KCNS3: variants seen among roughly 807,000 people sequenced by gnomAD.
KCNS3 encodes the protein delayed-rectifier potassium channel regulatory subunit KCNS3.
Under a neutral mutation model 31.0 loss-of-function variants are expected in KCNS3, and 13 were observed. That is an observed-to-expected ratio of 0.42 (90% CI 0.27 to 0.67). The LOEUF (loss-of-function observed/expected upper bound fraction) is 0.67. KCNS3 is among the 30% of genes least tolerant of loss of function. The pLI, the probability that KCNS3 is intolerant of heterozygous loss-of-function variation, is 0.25. For synonymous variants in KCNS3, 238 were observed against 241.5 expected (o/e 0.99, Z 0.13); for missense variants, 545 against 622.4 (o/e 0.88, Z 1.32).
chr2:17,901,766 A>G (rs746672582), intron 1 of KCNS3, among the ~76,000 whole-genome samples: 8 of 152,158 alleles, frequency 5.3e-5, no homozygotes, highest in Non-Finnish European at 1.2e-4. Context: ...TGATGATATT[A>G]AAACAGGAAG....
chr2:17,932,104 A>G lies in KCNS3; in HGVS notation c.1096A>G (p.Ile366Val). The change falls in exon 3 of 3, where the codon ATC becomes GTC. Residue 366 changes from isoleucine (I) to valine (V), a missense_variant. Physicochemically the swap from Ile to Val is conservative, Grantham distance 29. Coordinates refer to ENST00000304101, the MANE Select transcript of KCNS3 (RefSeq NM_002252.5). ...CCCCATCTGCTGGTGGTGGGCCACCATCAGCATGACAACTGTGGGCTATGG... is the reference window on the plus strand; with the variant it reads ...CCCCATCTGCTGGTGGTGGGCCACCGTCAGCATGACAACTGTGGGCTATGG... ...SIPICWWWAT[I>V]SMTTVGYGDT... is the part of the protein sequence containing the mutation. 1 of 1,613,966 alleles carries G rather than the reference A, an allele frequency of 6.2e-7. No homozygotes were observed. Among genetic ancestry groups the G allele is most frequent in the Non-Finnish European group, 8.5e-7 (1 of 1,179,996 alleles).
chr2:17,884,268 A>AAAAAAATATAT (rs1459540269), intron 1 of KCNS3, among the ~76,000 whole-genome samples: 5 of 46,696 alleles, frequency 1.1e-4, no homozygotes, highest in African/African-American at 3.1e-4. Flanking sequence ...AAAAAAAAAA[A>AAAAAAATATAT]ATATATATAT....
chr2:17,883,824 C>T (rs1411825829), intron 1 of KCNS3, among the ~76,000 whole-genome samples: 5 of 151,952 alleles, frequency 3.3e-5, no homozygotes, highest in Admixed American at 1.3e-4. Context: ...TATTGCGGCA[C>T]TATTCACAAT....
At chr2:17,908,941 C>G (rs1662404813) in intron 1 of KCNS3, among the ~76,000 whole-genome samples, 2 of 152,342 alleles carry the variant, frequency 1.3e-5, no homozygotes, top group African/African-American at 2.4e-5. Flanking sequence ...TGTCCATTCT[C>G]AGATCTCAAA....
At chr2:17,908,890 T>C (rs982054078) in intron 1 of KCNS3, among the ~76,000 whole-genome samples, 3 of 152,220 alleles carry the variant, frequency 2.0e-5, no homozygotes, top group Non-Finnish European at 4.4e-5. Flanking sequence ...GCCTCCCAGA[T>C]AGGCTGCTCG....
In KCNS3 at chr2:17,931,140, G is replaced by A. The variant is rs780885311; in HGVS notation, c.132G>A (p.Leu44=). 6.2e-7 allele frequency: 1 copy of A among 1,614,170 alleles called. No homozygotes were observed. Among genetic ancestry groups the A allele is most frequent in the Non-Finnish European group, 8.5e-7 (1 of 1,180,022 alleles). Residue 44 remains leucine, a synonymous_variant, in exon 3 of 3, where the codon CTG becomes CTA. Transcript: ENST00000304101. The surrounding 1 kb of genome is among the most constrained non-coding windows in gnomAD (Gnocchi z 5.4). ...LRFPHTRLGK[L]LTCHSEEAIL... ...TTCCTCACACCAGACTGGGGAAGCTGCTTACTTGCCATTCTGAAGAGGCCA... is the reference window on the plus strand; with the variant it reads ...TTCCTCACACCAGACTGGGGAAGCTACTTACTTGCCATTCTGAAGAGGCCA...
Position 17,921,913 on chromosome 2 carries a change from GTGTATATATATATA to G in KCNS3, c.-60+4044_-60+4057del, listed in dbSNP as rs1395125888. On this transcript the variant is annotated intron_variant, in intron 2 of 2. Transcript: ENST00000304101. Reference sequence around the variant, plus strand: ...GATTTTCATATATATGTGTGTGTGTGTGTATATATATATATATATATATATATATATATATATAT... The same window carrying G: ...GATTTTCATATATATGTGTGTGTGTGTATATATATATATATATATATATAT... 5.3e-4 allele frequency among the ~76,000 whole-genome samples: 18 copies of G among 34,106 alleles called. 1 individual carries two copies. The highest frequency in any genetic ancestry group is 1.4e-3 in the African/African-American group (13 of 9,224). The allele number at this position is 34,106 out of a possible 152,430, so 22.4% of individuals were successfully genotyped here. A position where few individuals can be genotyped will look rare whatever the true frequency, so the allele number is the denominator to read the frequency against.
At chr2:17,892,992 T>G (rs2125236017) in intron 1 of KCNS3, among the ~76,000 whole-genome samples, 1 of 152,282 alleles carries the variant, frequency 6.6e-6, no homozygotes, top group Admixed American at 6.5e-5. Context: ...CTCTCAAGAT[T>G]ATATGCCCTT....
rs982944682 is a variant in KCNS3 at position 17,894,251 on chromosome 2, G to T, written c.-252+15445G>T. 1.9e-4 allele frequency among the ~76,000 whole-genome samples: 29 copies of T among 152,114 alleles called. 3 individuals carry two copies. The highest frequency in any genetic ancestry group is 1.8e-3 in the Admixed American group (27 of 15,280). On this transcript the variant is annotated intron_variant, in intron 1 of 2. Transcript: ENST00000304101. ...AGCCCTAATGAGTGCACAGTGACAT[G>T]GTTTTGAGTACCAGGACCGGAGCAC...
rs369742718 is a variant in KCNS3, at chr2:17,931,288, C to A, written c.280C>A (p.Leu94Met). The A allele has an allele frequency of 6.2e-7, 1 of 1,614,178 alleles. No homozygotes were observed. The change falls in exon 3 of 3, where the codon CTG (leucine) becomes ATG (methionine). Residue 94 changes from leucine (L) to methionine (M), a missense_variant. Coordinates refer to ENST00000304101, the MANE Select transcript of KCNS3 (RefSeq NM_002252.5). This position sits in a 1 kb window ranked among gnomAD's most constrained non-coding sequence, Gnocchi z 5.4. ...YTGKLHVMEELCVFSFCQEIE... is the reference protein window; with the variant it reads ...YTGKLHVMEEMCVFSFCQEIE... ...GGGGAAGCTGCATGTCATGGAGGAG[C>A]TGTGCGTATTCTCATTCTGCCAGGA...
chr2:17,926,667 C>G (rs1662844961), intron 2 of KCNS3, among the ~76,000 whole-genome samples: 1 of 152,242 alleles, frequency 6.6e-6, no homozygotes, highest in Non-Finnish European at 1.5e-5. Flanking sequence ...ATGACTGGAG[C>G]TGAAATGTCT....
intron 2 of KCNS3, among the ~76,000 whole-genome samples, chr2:17,926,580 C>T (rs578193618): frequency 1.3e-5 from 2 of 152,328 alleles, no homozygotes; most frequent in South Asian, 4.1e-4. Context: ...GGCCCAAGAC[C>T]ACATGGAAGT....
chr2:17,913,772 T>A (rs1353076724), intron 1 of KCNS3, among the ~76,000 whole-genome samples: 1 of 152,180 alleles, frequency 6.6e-6, no homozygotes, highest in Non-Finnish European at 1.5e-5. Context: ...GGGGATGATT[T>A]TGATCTCCAA....
intron 1 of KCNS3, among the ~76,000 whole-genome samples, chr2:17,912,711 T>C (rs1208627833): frequency 2.6e-5 from 4 of 152,354 alleles, no homozygotes; most frequent in African/African-American, 9.6e-5. Context: ...TAGTTACCCA[T>C]GCATCAAGTC....
At chr2:17,899,391 T>C (rs1662110620) in intron 1 of KCNS3, among the ~76,000 whole-genome samples, 1 of 151,410 alleles carries the variant, frequency 6.6e-6, no homozygotes, top group Non-Finnish European at 1.5e-5. Flanking sequence ...TATTATATTA[T>C]TATTATATTA....
intron 1 of KCNS3, among the ~76,000 whole-genome samples, chr2:17,884,193 C>T (rs1430993696): frequency 6.9e-6 from 1 of 145,666 alleles, no homozygotes; most frequent in East Asian, 2.1e-4. Flanking sequence ...CAACATGGCA[C>T]ATGTATACAT....
intron 1 of KCNS3, among the ~76,000 whole-genome samples, chr2:17,893,744 G>T (rs1164593881): frequency 6.6e-6 from 1 of 152,168 alleles, no homozygotes; most frequent in South Asian, 2.1e-4. Context: ...CACTTCCGCA[G>T]TTGGGGCACT....
In KCNS3 at chr2:17,892,787, T is replaced by G. The variant is rs545905357; in HGVS notation, c.-252+13981T>G. Among the ~76,000 whole-genome samples, 4 of 152,306 alleles carry G rather than the reference T, an allele frequency of 2.6e-5. No individual in the cohort carries two copies. The South Asian group carries it at 8.3e-4, about 32-fold the overall frequency. ...CTGCACAGAGTTCTGTGATATGAACTGTCTATGGGTCTCTCAGCCGTGGAT... is the reference window on the plus strand; with the variant it reads ...CTGCACAGAGTTCTGTGATATGAACGGTCTATGGGTCTCTCAGCCGTGGAT... On this transcript the variant is annotated intron_variant, in intron 1 of 2. Coordinates refer to ENST00000304101, the MANE Select transcript of KCNS3 (RefSeq NM_002252.5).
chr2:17,905,616 T>G (rs988909577), intron 1 of KCNS3, among the ~76,000 whole-genome samples: 1 of 152,240 alleles, frequency 6.6e-6, no homozygotes. Flanking sequence ...ATAGCTCTTA[T>G]TATTTTGAGA....
Sources: gnomAD v4.1 joint callset for allele counts (sites outside exome capture counted in the v4.1 genomes callset) on GRCh38, gnomAD v4.1.1 for gene constraint, Gnocchi (gnomAD v3.1) non-coding constraint, MANE v1.5 for transcripts, NCBI Gene and HGNC (gene_info 2026-07-23, HGNC 2026-07-21) for gene names.